FGF12: variants seen among roughly 807,000 people sequenced by gnomAD.
FGF12 encodes the protein fibroblast growth factor 12.
Under a neutral mutation model 23.6 loss-of-function variants are expected in FGF12, and 14 were observed. The observed-to-expected ratio is 0.59, with a 90% CI of 0.39 to 0.93. The LOEUF (loss-of-function observed/expected upper bound fraction) is 0.93, where lower values mean the gene tolerates loss of function less well. Among genes scored for constraint, FGF12 ranks in the 40% least tolerant of loss-of-function variants. The pLI, the probability that FGF12 is intolerant of heterozygous loss-of-function variation, is 0.00. For missense variants in FGF12, 175 were observed against 217.8 expected (o/e 0.80, Z 1.24); for synonymous variants, 62 against 77.3 (o/e 0.80, Z 1.04).
chr3:192,275,890 A>C (rs953455551), intron 4 of FGF12, among the ~76,000 whole-genome samples: 2 of 152,154 alleles, frequency 1.3e-5, no homozygotes, highest in Non-Finnish European at 1.5e-5. Flanking sequence ...CCAGCTAAGG[A>C]TATTGCCTCA....
chr3:192,353,925 G>A (rs1718347005), intron 3 of FGF12, among the ~76,000 whole-genome samples: 2 of 152,174 alleles, frequency 1.3e-5, no homozygotes, highest in African/African-American at 4.8e-5. Context: ...GTACCTGCAT[G>A]CCCTTGTGAT....
intron 2 of FGF12, among the ~76,000 whole-genome samples, chr3:192,381,135 A>G (rs1338244155): frequency 3.3e-5 from 5 of 152,154 alleles, no homozygotes; most frequent in Non-Finnish European, 7.3e-5. Context: ...CAAAAGCCAC[A>G]TGTTGCTAGT....
At chr3:192,297,225 T>C (rs1715091040) in intron 4 of FGF12, among the ~76,000 whole-genome samples, 1 of 152,184 alleles carries the variant, frequency 6.6e-6, no homozygotes, top group African/African-American at 2.4e-5. Context: ...CAAGACCGAT[T>C]CATTCACTTT....
At chr3:192,291,457 C>T (rs1399237392) in intron 4 of FGF12, among the ~76,000 whole-genome samples, 1 of 152,000 alleles carries the variant, frequency 6.6e-6, no homozygotes, top group Non-Finnish European at 1.5e-5. Context: ...GTGGCACACA[C>T]CTGTGGTTCT....
chr3:192,600,272 C>T (rs1271212263), intron 2 of FGF12, among the ~76,000 whole-genome samples: 2 of 152,010 alleles, frequency 1.3e-5, no homozygotes, highest in Non-Finnish European at 2.9e-5. Context: ...ATAACAACAT[C>T]ATGCTATTTT....
chr3:192,274,138 A>G (rs4687310), intron 4 of FGF12, among the ~76,000 whole-genome samples: 54,018 of 151,598 alleles, frequency 0.36, 10,700 homozygotes, highest in East Asian at 0.9. Flanking sequence ...ATAAAAAGAA[A>G]TAGAGTTAAT....
At chr3:192,650,754 G>C (rs779432147) in intron 2 of FGF12, among the ~76,000 whole-genome samples, 7 of 152,100 alleles carry the variant, frequency 4.6e-5, no homozygotes, top group African/African-American at 1.7e-4. Flanking sequence ...ATCTCTTCAA[G>C]AGTAATATTT....
At chr3:192,290,888 C>A (rs568453581) in intron 4 of FGF12, among the ~76,000 whole-genome samples, 47 of 150,996 alleles carry the variant, frequency 3.1e-4, no homozygotes, top group African/African-American at 1.1e-3. Context: ...TTATTTACTT[C>A]AAAAAAAAGG....
chr3:192,540,410 G>A (rs1299433355), intron 2 of FGF12, among the ~76,000 whole-genome samples: 1 of 151,902 alleles, frequency 6.6e-6, no homozygotes, highest in African/African-American at 2.4e-5. Flanking sequence ...TGGTCATTAA[G>A]GAACATACTG....
intron 2 of FGF12, among the ~76,000 whole-genome samples, chr3:192,559,146 G>T (rs939798799): frequency 1.3e-5 from 2 of 151,840 alleles, no homozygotes; most frequent in African/African-American, 2.4e-5. Context: ...AAAACAATCT[G>T]CAGGTAAAAG....
intron 2 of FGF12, among the ~76,000 whole-genome samples, chr3:192,723,527 G>A (rs1719104875): frequency 6.6e-6 from 1 of 152,100 alleles, no homozygotes; most frequent in South Asian, 2.1e-4. Flanking sequence ...TAGATGTGGT[G>A]TAGGGACTGA....
At chr3:192,242,421 G>T (rs1384719624) in intron 4 of FGF12, among the ~76,000 whole-genome samples, 1 of 152,018 alleles carries the variant, frequency 6.6e-6, no homozygotes, top group East Asian at 1.9e-4. Flanking sequence ...TCCCCTTGGG[G>T]GTATCAAAAT....
chr3:192,161,346 C>A (rs529609894), intron 5 of FGF12, among the ~76,000 whole-genome samples: 20 of 152,202 alleles, frequency 1.3e-4, no homozygotes, highest in African/African-American at 4.8e-4. Flanking sequence ...GTCCTTAATT[C>A]TTCCATGAGA....
intron 2 of FGF12, among the ~76,000 whole-genome samples, chr3:192,525,888 C>T (rs1304646408): frequency 1.3e-5 from 2 of 152,220 alleles, no homozygotes; most frequent in African/African-American, 4.8e-5. Context: ...GATGCTCCTG[C>T]CTCAGCCTCC....
intron 2 of FGF12, among the ~76,000 whole-genome samples, chr3:192,632,008 C>T (rs1715406750): frequency 6.6e-6 from 1 of 152,162 alleles, no homozygotes; most frequent in Non-Finnish European, 1.5e-5. Flanking sequence ...ACAAAAGAAC[C>T]CAACTCATAG....
At chr3:192,564,810 G>C (rs1712203905) in intron 2 of FGF12, among the ~76,000 whole-genome samples, 1 of 152,176 alleles carries the variant, frequency 6.6e-6, no homozygotes, top group Admixed American at 6.5e-5. Flanking sequence ...TCTCAGGACT[G>C]AAATGAAAGA....
At chr3:192,335,492 G>T in intron 3 of FGF12, 28 bp from the exon 4 acceptor site, 2 of 1,358,172 alleles carry the variant, frequency 1.5e-6, no homozygotes, top group Non-Finnish European at 2.1e-6. Context: ...AGGGCGGAAA[G>T]GATCAGTGAC....
rs1256377326 is a variant in FGF12 at position 192,360,419 on chromosome 3, G to A, written c.124+9C>T. The A allele has an allele frequency of 1.3e-6, 2 of 1,568,498 alleles. No individual in the cohort carries two copies. Among genetic ancestry groups the A allele is most frequent in the Non-Finnish European group, 1.8e-6 (2 of 1,138,754 alleles). On this transcript the variant is annotated intron_variant, in intron 3 of 5. Coordinates refer to ENST00000445105, the MANE Select transcript of FGF12 (RefSeq NM_004113.6). The surrounding 1 kb of genome is among the most constrained non-coding windows in gnomAD (Gnocchi z 4.3). ...TGTAATCAGATTGTAAGAAGCTAAT[G>A]TTTCTTACTGTAGTCGCTGTTTTCG...
intron 2 of FGF12, among the ~76,000 whole-genome samples, chr3:192,584,685 C>T (rs184794887): frequency 5.9e-5 from 9 of 152,242 alleles, no homozygotes; most frequent in East Asian, 1.9e-4. Context: ...CCTACCTTTC[C>T]GGATTGTGCC....
Sources: gnomAD v4.1 joint callset for allele counts (sites outside exome capture counted in the v4.1 genomes callset) on GRCh38, gnomAD v4.1.1 for gene constraint, Gnocchi (gnomAD v3.1) non-coding constraint, MANE v1.5 for transcripts, NCBI Gene and HGNC (gene_info 2026-07-23, HGNC 2026-07-21) for gene names.